The following LDHB variants were observed in gnomAD, a reference collection of about 807,000 sequenced individuals.
LDHB encodes lactate dehydrogenase B.
In LDHB, 18 loss-of-function variants were observed where a neutral mutation model predicts 33.4. The ratio of observed to expected loss-of-function variants is 0.54; its 90% CI spans 0.37 to 0.80. LDHB has a LOEUF of 0.80. LDHB is among the 30% of genes least tolerant of loss of function. The probability of loss-of-function intolerance (pLI) is 0.00; values close to 1 mark genes in which losing one functional copy is unlikely to be tolerated. For missense variants in LDHB, 345 were observed against 407.9 expected (o/e 0.85, Z 1.33); for synonymous variants, 121 against 140.6 (o/e 0.86, Z 0.98).
intron 1 of LDHB, chr12:21,657,445 T>G (rs1591838395): frequency 6.6e-6 from 1 of 151,816 alleles, no homozygotes. Context: ...GCCGTGGGGG[T>G]GATGTGGCCG....
At chr12:21,653,680 TGA>T (rs1172651627) in intron 2 of LDHB, among the ~76,000 whole-genome samples, 6 of 55,612 alleles carry the variant, frequency 1.1e-4, no homozygotes, top group African/African-American at 2.3e-4. Flanking sequence ...GTATATATGG[TGA>T]GAGAGTATAA....
intron 2 of LDHB, among the ~76,000 whole-genome samples, chr12:21,647,915 T>C (rs1938573274): frequency 6.6e-6 from 1 of 152,090 alleles, no homozygotes. Context: ...AAGGCTGGTA[T>C]CGAAATCCTG....
intron 3 of LDHB, among the ~76,000 whole-genome samples, chr12:21,644,597 G>A (rs970499262): frequency 3.3e-5 from 5 of 152,040 alleles, no homozygotes; most frequent in East Asian, 1.9e-4. Context: ...GCTTTTTAGC[G>A]CTGCAAGTTT....
rs1303341477 is a variant in LDHB at position 21,654,607 on chromosome 12, T to C, written c.65A>G (p.Asn22Ser). The C allele has an allele frequency of 6.2e-6, 10 of 1,614,130 alleles. No individual in the cohort carries two copies. The highest frequency in any genetic ancestry group is 1.7e-5 in the Admixed American group (1 of 60,028). ...TCCAACACCCACTACAGTGATCTTA[T>C]TGTTTGGAACTGTTGCCTCTTCTTC... Reference protein sequence around the residue: ...VAEEEATVPNNKITVVGVGQV... With the variant: ...VAEEEATVPNSKITVVGVGQV... Residue 22 changes from asparagine (N) to serine (S), a missense_variant, in exon 2 of 8, where the codon AAT (asparagine) becomes AGT (serine). Transcript: ENST00000350669.
chr12:21,656,050 G>A (rs1367379024), intron 1 of LDHB, among the ~76,000 whole-genome samples: 1 of 152,090 alleles, frequency 6.6e-6, no homozygotes, highest in Admixed American at 6.5e-5. Flanking sequence ...CACCATACCT[G>A]TCTCAAACTG....
At position 21,635,716 on chromosome 12, in the gene LDHB, G is replaced by C. The variant is rs1228319044; in HGVS notation, c.838-7C>G. On this transcript the variant is annotated splice_polypyrimidine_tract_variant and splice_region_variant and intron_variant, in intron 7 of 7. Coordinates refer to ENST00000350669, the MANE Select transcript of LDHB (RefSeq NM_002300.8). ...TCTCAATGCCATACATCCCCTGCCAGAACAACAAAGCATCGAGATTAAGAC... is the reference window on the plus strand; with the variant it reads ...TCTCAATGCCATACATCCCCTGCCACAACAACAAAGCATCGAGATTAAGAC... The C allele has an allele frequency of 1.9e-6, 3 of 1,612,736 alleles. No homozygotes were observed. Among genetic ancestry groups the C allele is most frequent in the Middle Eastern group, 3.3e-4 (2 of 6,050 alleles).
chr12:21,637,088 C>G lies in LDHB; in HGVS notation c.820G>C (p.Val274Leu). ...TGTCTTACCTTTACCATTGTTGACA[C>G]GGGATGAATCCTGGATAGATTTTTC... Reference protein sequence around the residue: ...MLKNLSRIHPVSTMVKGMYGI... With the variant: ...MLKNLSRIHPLSTMVKGMYGI... The change falls in exon 7 of 8, where the codon GTG (valine) becomes CTG (leucine). Residue 274 changes from valine to leucine, a missense_variant. Val to Leu is a conservative substitution (Grantham distance 32). Coordinates refer to ENST00000350669, the MANE Select transcript of LDHB (RefSeq NM_002300.8). 6.2e-7 allele frequency: 1 copy of G among 1,606,226 alleles called. No individual in the cohort carries two copies.
intron 1 of LDHB, among the ~76,000 whole-genome samples, chr12:21,655,756 G>T (rs909730654): frequency 6.6e-6 from 1 of 152,054 alleles, no homozygotes; most frequent in Non-Finnish European, 1.5e-5. Flanking sequence ...ACCGAAACCT[G>T]TTGGAAAATG....
chr12:21,640,183 T>C (rs1342535595), intron 5 of LDHB, among the ~76,000 whole-genome samples: 1 of 151,366 alleles, frequency 6.6e-6, no homozygotes. Flanking sequence ...TTATTCAATA[T>C]ATTGTGGTTT....
At chr12:21,646,364 G>C (rs78517065) in intron 3 of LDHB, among the ~76,000 whole-genome samples, 2,761 of 152,294 alleles carry the variant, frequency 0.018, 78 homozygotes, top group African/African-American at 0.063. Context: ...TGGCAGTGTG[G>C]AGTGTGGAAT....
chr12:21,645,166 T>C (rs2136970823), intron 3 of LDHB, among the ~76,000 whole-genome samples: 1 of 152,302 alleles, frequency 6.6e-6, no homozygotes, highest in Non-Finnish European at 1.5e-5. Context: ...AAACAAATGC[T>C]TGAAGGCACA....
chr12:21,646,003 T>C (rs1354994363), intron 3 of LDHB, among the ~76,000 whole-genome samples: 1 of 152,174 alleles, frequency 6.6e-6, no homozygotes, highest in Non-Finnish European at 1.5e-5. Context: ...TATAATACAA[T>C]AGCCCAAAAT....
At chr12:21,654,356 G>A (rs1938777982) in intron 2 of LDHB, 187 bp downstream of exon 2, 5 of 607,644 alleles carry the variant, frequency 8.2e-6, no homozygotes, top group Admixed American at 2.7e-5. Context: ...GTCACATAGG[G>A]AGAATATAAT....
At chr12:21,648,402 T>C (rs547934980) in intron 2 of LDHB, among the ~76,000 whole-genome samples, 2 of 152,214 alleles carry the variant, frequency 1.3e-5, no homozygotes, top group South Asian at 2.1e-4. Context: ...TCGCATCCCC[T>C]GAATACTGTA....
chr12:21,657,660 C>T (rs1218147453), intron 1 of LDHB, 91 bp downstream of exon 1: 2 of 152,406 alleles, frequency 1.3e-5, no homozygotes, highest in African/African-American at 2.4e-5. Context: ...GCTTCTTCCT[C>T]CTTCCCGCGT....
chr12:21,636,036 A>G (rs1402336172), intron 7 of LDHB, among the ~76,000 whole-genome samples: 1 of 152,226 alleles, frequency 6.6e-6, no homozygotes, highest in Admixed American at 6.5e-5. Flanking sequence ...TTTTATACAT[A>G]GAATATGCAA....
intron 2 of LDHB, among the ~76,000 whole-genome samples, chr12:21,647,497 A>G (rs1938559366): frequency 6.6e-6 from 1 of 152,098 alleles, no homozygotes; most frequent in Non-Finnish European, 1.5e-5. Flanking sequence ...TGGTGGGGAA[A>G]GGAAGATGAG....
Position 21,638,479 on chromosome 12 carries a change from A to T in LDHB, c.596-9T>A, listed in dbSNP as rs1368328463. ...ACCACTCCACACAGCCACTGTTTAA[A>T]AAAAAAAAAAAAGACATTGCAGTTA... On this transcript the variant is annotated splice_polypyrimidine_tract_variant and intron_variant, in intron 5 of 7. Coordinates refer to ENST00000350669, the MANE Select transcript of LDHB (RefSeq NM_002300.8). 6 of 980,212 alleles carry T rather than the reference A, an allele frequency of 6.1e-6. No homozygotes were observed. The highest frequency in any genetic ancestry group is 8.4e-6 in the Non-Finnish European group (6 of 713,940). The allele number at this position is 980,212 out of a possible 1,614,324, so 60.7% of individuals were successfully genotyped here.
intron 3 of LDHB, among the ~76,000 whole-genome samples, chr12:21,645,922 C>T (rs1308537195): frequency 6.6e-6 from 1 of 152,132 alleles, no homozygotes; most frequent in African/African-American, 2.4e-5. Flanking sequence ...AGAGGCAGGC[C>T]ACCCCTTCAT....
Sources: allele counts gnomAD v4.1 joint callset (sites outside exome capture counted in the v4.1 genomes callset), GRCh38; gene constraint gnomAD v4.1.1; transcripts MANE v1.5; gene names NCBI Gene and HGNC (gene_info 2026-07-23, HGNC 2026-07-21).